TBC1D19: variants seen among roughly 807,000 people sequenced by gnomAD.
TBC1D19 encodes TBC1 domain family, member 19.
Under a neutral mutation model 89.0 loss-of-function variants are expected in TBC1D19, and 60 were observed. That is an observed-to-expected ratio of 0.67 (90% CI 0.55 to 0.84). The LOEUF is 0.84. Among genes scored for constraint, TBC1D19 ranks in the 40% least tolerant of loss-of-function variants. The pLI is 0.00. For missense variants in TBC1D19, 500 were observed against 610.8 expected (o/e 0.82, Z 1.91); for synonymous variants, 189 against 199.7 (o/e 0.95, Z 0.45).
the TBC1D19 span, among the ~76,000 whole-genome samples, chr4:26,833,844 G>A: frequency 6.6e-6 from 1 of 152,182 alleles, no homozygotes; most frequent in Non-Finnish European, 1.5e-5. Flanking sequence ...TTAGAGCTGT[G>A]GCTATATGTT....
chr4:26,625,145 C>T (rs116174504), intron 4 of TBC1D19, among the ~76,000 whole-genome samples: 1,930 of 151,874 alleles, frequency 0.013, 35 homozygotes, highest in African/African-American at 0.043. Context: ...GGTTATAAAT[C>T]AGCTTCCTGC....
At chr4:26,744,573 TA>T (rs1718543891) in intron 18 of TBC1D19, among the ~76,000 whole-genome samples, 1 of 152,052 alleles carries the variant, frequency 6.6e-6, no homozygotes, top group Non-Finnish European at 1.5e-5. Context: ...TGATATGTTA[TA>T]TTTTCATTTT....
intron 4 of TBC1D19, among the ~76,000 whole-genome samples, chr4:26,636,380 G>A (rs911918900): frequency 6.7e-6 from 1 of 150,102 alleles, no homozygotes; most frequent in East Asian, 2.0e-4. Context: ...AGAAATAGAA[G>A]AGATAATGAA....
chr4:26,587,244 T>A (rs1033949669), intron 1 of TBC1D19, among the ~76,000 whole-genome samples: 2 of 152,164 alleles, frequency 1.3e-5, no homozygotes, highest in Non-Finnish European at 2.9e-5. Flanking sequence ...CTCAATTTGC[T>A]AACATTTTGC....
At chr4:26,850,540 C>CAAAAAAAAAAAAAAAAAATAAAAAA in the TBC1D19 span, among the ~76,000 whole-genome samples, 1 of 90,444 alleles carries the variant, frequency 1.1e-5, no homozygotes, top group African/African-American at 6.0e-5. Context: ...GACCCTGTCT[C>CAAAAAAAAAAAAAAAAAATAAAAAA]AAAAAAAAAA....
chr4:26,811,662 C>T, the TBC1D19 span, among the ~76,000 whole-genome samples: 2 of 152,308 alleles, frequency 1.3e-5, no homozygotes, highest in East Asian at 3.9e-4. Flanking sequence ...GCAGAGCAGC[C>T]CCGAGGGCTG....
the TBC1D19 span, among the ~76,000 whole-genome samples, chr4:26,806,187 G>T: frequency 6.6e-6 from 1 of 151,990 alleles, no homozygotes; most frequent in Non-Finnish European, 1.5e-5. Flanking sequence ...TACCCCATCC[G>T]CCCTCCAGCC....
At chr4:26,761,864 C>T in the TBC1D19 span, among the ~76,000 whole-genome samples, 41 of 152,224 alleles carry the variant, frequency 2.7e-4, no homozygotes, top group South Asian at 3.7e-3. Context: ...CGGTGGCTCA[C>T]GCCTGTAATC....
chr4:26,681,538 G>T (rs1189100913), intron 11 of TBC1D19, among the ~76,000 whole-genome samples: 1 of 151,902 alleles, frequency 6.6e-6, no homozygotes, highest in Non-Finnish European at 1.5e-5. Flanking sequence ...GCGACAGAGT[G>T]AGACGCCGTC....
chr4:26,595,736 C>A (rs1312246094), intron 1 of TBC1D19, among the ~76,000 whole-genome samples: 1 of 151,708 alleles, frequency 6.6e-6, no homozygotes, highest in Non-Finnish European at 1.5e-5. Flanking sequence ...CTTGTATTGC[C>A]TTTACTCATT....
intron 7 of TBC1D19, among the ~76,000 whole-genome samples, chr4:26,642,212 C>A (rs771100625): frequency 1.3e-5 from 2 of 152,212 alleles, no homozygotes; most frequent in Admixed American, 6.5e-5. Context: ...GGAAGCCCAT[C>A]AGACTAACAG....
At chr4:26,578,441 C>A (rs773140381) in intron 1 of TBC1D19, among the ~76,000 whole-genome samples, 1 of 152,022 alleles carries the variant, frequency 6.6e-6, no homozygotes. Flanking sequence ...TATTGCTAGG[C>A]CTTCAAGAGA....
intron 12 of TBC1D19, among the ~76,000 whole-genome samples, chr4:26,684,699 A>G (rs1026483074): frequency 6.6e-6 from 1 of 152,226 alleles, no homozygotes; most frequent in African/African-American, 2.4e-5. Context: ...TTGAAATATA[A>G]GAGAGAAAGG....
chr4:26,795,806 T>C, the TBC1D19 span, among the ~76,000 whole-genome samples: 2 of 152,094 alleles, frequency 1.3e-5, no homozygotes, highest in African/African-American at 2.4e-5. Context: ...TAAGAGAAAA[T>C]AGGTAAATTT....
intron 18 of TBC1D19, among the ~76,000 whole-genome samples, chr4:26,742,860 A>G (rs924633863): frequency 6.6e-6 from 1 of 152,148 alleles, no homozygotes; most frequent in Admixed American, 6.5e-5. Flanking sequence ...ACCAATTTCT[A>G]TTCATAACGA....
chr4:26,832,659 C>G, the TBC1D19 span, among the ~76,000 whole-genome samples: 1 of 152,034 alleles, frequency 6.6e-6, no homozygotes, highest in Non-Finnish European at 1.5e-5. Flanking sequence ...GACTGGACAC[C>G]AAATGAATGA....
At chr4:26,855,464 G>T in the TBC1D19 span, among the ~76,000 whole-genome samples, 1 of 152,136 alleles carries the variant, frequency 6.6e-6, no homozygotes. Flanking sequence ...CTCTATCTAG[G>T]TATTAGCATA....
the TBC1D19 span, among the ~76,000 whole-genome samples, chr4:26,807,276 G>A: frequency 1.1e-4 from 16 of 152,144 alleles, no homozygotes; most frequent in Non-Finnish European, 1.8e-4. Flanking sequence ...AACAGAACCT[G>A]AGCCTCCATA....
At chr4:26,632,747 G>C (rs1577839613) in intron 4 of TBC1D19, among the ~76,000 whole-genome samples, 1 of 151,946 alleles carries the variant, frequency 6.6e-6, no homozygotes, top group Admixed American at 6.6e-5. Context: ...TAGTTTCAAG[G>C]GTCCATGTTG....
Sources: gnomAD v4.1 joint callset for allele counts (sites outside exome capture counted in the v4.1 genomes callset) on GRCh38, gnomAD v4.1.1 for gene constraint, MANE v1.5 for transcripts, NCBI Gene and HGNC (gene_info 2026-07-23, HGNC 2026-07-21) for gene names.